MLLT10: variants seen among roughly 807,000 people sequenced by gnomAD.
The protein encoded by MLLT10 is MLLT10 histone lysine methyltransferase DOT1L cofactor, also known as protein AF-10.
Under a neutral mutation model 129.1 loss-of-function variants are expected in MLLT10, and 30 were observed. The observed-to-expected ratio is 0.23, with a 90% CI of 0.17 to 0.32. The LOEUF is 0.32. Among genes scored for constraint, MLLT10 ranks in the 10% least tolerant of loss-of-function variants. The probability of loss-of-function intolerance (pLI) is 1.00; values close to 1 mark genes in which losing one functional copy is unlikely to be tolerated. For synonymous variants in MLLT10, 490 were observed against 446.4 expected (o/e 1.10, Z -1.23); for missense variants, 1,119 against 1,268.3 (o/e 0.88, Z 1.79).
At chr10:21,575,346 G>A (rs890776868) in intron 3 of MLLT10, among the ~76,000 whole-genome samples, 6 of 151,960 alleles carry the variant, frequency 3.9e-5, no homozygotes, top group Admixed American at 2.0e-4. Flanking sequence ...ACAGCCACCC[G>A]CTGCCATGCC....
chr10:21,667,642 T>G (rs2050958416), intron 9 of MLLT10, among the ~76,000 whole-genome samples: 1 of 152,130 alleles, frequency 6.6e-6, no homozygotes, highest in African/African-American at 2.4e-5. Flanking sequence ...AGTACATTAT[T>G]TTATTTTAAT....
intron 9 of MLLT10, among the ~76,000 whole-genome samples, chr10:21,655,328 T>C (rs1441765195): frequency 6.6e-6 from 1 of 152,242 alleles, no homozygotes; most frequent in African/African-American, 2.4e-5. Flanking sequence ...AGGGGCTGAA[T>C]ACTAAGTATT....
intron 8 of MLLT10, among the ~76,000 whole-genome samples, chr10:21,630,855 G>C (rs1056257971): frequency 6.6e-6 from 1 of 152,186 alleles, no homozygotes; most frequent in Non-Finnish European, 1.5e-5. Context: ...AGGAGAGTCT[G>C]AATGAAAGCC....
intron 13 of MLLT10, among the ~76,000 whole-genome samples, chr10:21,701,931 G>T (rs954721290): frequency 6.7e-6 from 1 of 149,134 alleles, no homozygotes; most frequent in Non-Finnish European, 1.5e-5. Flanking sequence ...GTCTCGTCTC[G>T]TCTCTCTTTT....
At chr10:21,704,016 G>GTTTTTTTTTTTTTTTTTT (rs60982595) in intron 13 of MLLT10, among the ~76,000 whole-genome samples, 19 of 56,632 alleles carry the variant, frequency 3.4e-4, no homozygotes, top group Admixed American at 9.4e-4. Context: ...ATTGTTTTTT[G>GTTTTTTTTTTTTTTTTTT]TTTTTTTTTT....
Position 21,595,452 on chromosome 10 carries a change from ATTATT to A in MLLT10, c.405+18_405+22del, listed in dbSNP as rs753944108. The A allele has an allele frequency of 6.3e-7, 1 of 1,575,766 alleles. No homozygotes were observed. Among genetic ancestry groups the A allele is most frequent in the Admixed American group, 1.7e-5 (1 of 59,386 alleles). ...ATCGTTATAATAAGGTACAGTGGAT[ATTATT>A]TTATTACTGTTTGAATATCACTACT... On this transcript the variant is annotated intron_variant, in intron 5 of 22. Transcript: ENST00000307729.
chr10:21,673,979 C>A, intron 11 of MLLT10, 60 bp downstream of exon 11: 1 of 1,340,718 alleles, frequency 7.5e-7, no homozygotes, highest in Non-Finnish European at 1.0e-6. Flanking sequence ...TTCTTCTGTC[C>A]CAAAACGTTT....
intron 8 of MLLT10, among the ~76,000 whole-genome samples, chr10:21,648,851 C>T (rs1290672779): frequency 6.6e-6 from 1 of 152,076 alleles, no homozygotes; most frequent in Admixed American, 6.6e-5. Flanking sequence ...AGGCAGGAGA[C>T]AATGTGCAGG....
At chr10:21,663,086 A>G (rs1391028436) in intron 9 of MLLT10, among the ~76,000 whole-genome samples, 1 of 152,174 alleles carries the variant, frequency 6.6e-6, no homozygotes, top group Non-Finnish European at 1.5e-5. Context: ...GTTATTTCAA[A>G]ATGGTTCCTT....
intron 14 of MLLT10, among the ~76,000 whole-genome samples, chr10:21,715,424 G>A (rs532576154): frequency 1.3e-5 from 2 of 152,260 alleles, no homozygotes; most frequent in African/African-American, 4.8e-5. Flanking sequence ...CTAAAAGTGA[G>A]GTAGCCATAA....
chr10:21,695,061 C>CTTTTTTTTTTTT (rs71393922), intron 13 of MLLT10, among the ~76,000 whole-genome samples: 1 of 104,034 alleles, frequency 9.6e-6, no homozygotes, highest in Non-Finnish European at 1.9e-5. Flanking sequence ...TTTCTACCTT[C>CTTTTTTTTTTTT]TTTTTTTTTT....
At chr10:21,584,488 A>AT (rs1368627403) in intron 3 of MLLT10, among the ~76,000 whole-genome samples, 1 of 151,538 alleles carries the variant, frequency 6.6e-6, no homozygotes, top group Non-Finnish European at 1.5e-5. Flanking sequence ...TTTTTAAATT[A>AT]TTTTTTGTAG....
intron 8 of MLLT10, among the ~76,000 whole-genome samples, chr10:21,646,503 TG>T (rs1456649173): frequency 3.3e-5 from 5 of 152,166 alleles, no homozygotes; most frequent in African/African-American, 9.6e-5. Context: ...GTTTTGGTTA[TG>T]TTTTTTTGGG....
chr10:21,579,825 A>C (rs779804227), intron 3 of MLLT10, among the ~76,000 whole-genome samples: 5 of 151,842 alleles, frequency 3.3e-5, no homozygotes, highest in Non-Finnish European at 7.4e-5. Context: ...GGCCTCCCAA[A>C]GTGCTGGGAT....
At chr10:21,556,142 A>G (rs2130976087) in intron 3 of MLLT10, among the ~76,000 whole-genome samples, 1 of 151,672 alleles carries the variant, frequency 6.6e-6, no homozygotes, top group South Asian at 2.1e-4. Flanking sequence ...CACCTGGCTA[A>G]TTTTTGTATT....
intron 8 of MLLT10, among the ~76,000 whole-genome samples, chr10:21,643,622 T>A (rs1000125466): frequency 1.3e-5 from 2 of 152,244 alleles, no homozygotes; most frequent in African/African-American, 4.8e-5. Context: ...CTTGGCTGTA[T>A]ATAATATTGT....
intron 13 of MLLT10, among the ~76,000 whole-genome samples, chr10:21,691,319 T>G (rs969743547): frequency 2.6e-5 from 4 of 152,204 alleles, no homozygotes; most frequent in Admixed American, 2.0e-4. Flanking sequence ...ATGACTGATA[T>G]ACTTGTTTCA....
chr10:21,683,380 T>A (rs562018843), intron 13 of MLLT10, among the ~76,000 whole-genome samples: 2 of 152,154 alleles, frequency 1.3e-5, no homozygotes, highest in Admixed American at 1.3e-4. Flanking sequence ...ATTGGCAGCA[T>A]CCTTGAAAAT....
At chr10:21,623,700 CTA>C (rs938253370) in intron 8 of MLLT10, among the ~76,000 whole-genome samples, 47 of 152,278 alleles carry the variant, frequency 3.1e-4, no homozygotes, top group Admixed American at 3.0e-3. Flanking sequence ...TCAAAGGACT[CTA>C]TTTGTTTTTT....
Sources: gnomAD v4.1 joint callset for allele counts (sites outside exome capture counted in the v4.1 genomes callset) on GRCh38, gnomAD v4.1.1 for gene constraint, MANE v1.5 for transcripts, NCBI Gene and HGNC (gene_info 2026-07-23, HGNC 2026-07-21) for gene names.